Variants in P4HB observed in about 807,000 individuals in gnomAD.
P4HB encodes protein disulfide-isomerase.
P4HB carries 20 observed loss-of-function variants against 52.6 expected under a neutral mutation model. The observed-to-expected ratio is 0.38, with a 90% CI of 0.27 to 0.55. P4HB has a LOEUF of 0.55. Among genes scored for constraint, P4HB ranks in the 20% least tolerant of loss-of-function variants. The pLI is 0.74. For missense variants in P4HB, 601 were observed against 669.2 expected, an observed-to-expected ratio of 0.90 and a Z score of 1.12; for synonymous variants, 296 against 277.9, an observed-to-expected ratio of 1.07 and a Z score of -0.65.
rs112715059 is a variant in P4HB at position 81,855,131 on chromosome 17, G to T, written c.624+11C>A. 1.9e-6 allele frequency: 3 copies of T among 1,613,836 alleles called. No individual in the cohort carries two copies. In the East Asian group the frequency reaches 6.7e-5, roughly 36 times the overall value. On this transcript the variant is annotated intron_variant, in intron 4 of 10. Coordinates refer to ENST00000331483, the MANE Select transcript of P4HB (RefSeq NM_000918.4). This position sits in a 1 kb window ranked among gnomAD's most constrained non-coding sequence, Gnocchi z 4.3. ...GAACTAACCTGGGCAGAGCTGCCTG[G>T]GGCCACTCACCTTCTTAAAGAGGAC...
At chr17:81,844,807 G>A (rs2038707562) in intron 10 of P4HB, among the ~76,000 whole-genome samples, 2 of 152,278 alleles carry the variant, frequency 1.3e-5, no homozygotes, top group South Asian at 4.1e-4. Context: ...CCCGGGCCCC[G>A]CCAGCGGGCT....
At position 81,845,226 on chromosome 17, in the gene P4HB, A is replaced by G. The variant is rs1001777244; in HGVS notation, c.1364T>C (p.Ile455Thr). The G allele has an allele frequency of 6.2e-7, 1 of 1,612,362 alleles. No individual in the cohort carries two copies. Among genetic ancestry groups the G allele is most frequent in the Admixed American group, 1.7e-5 (1 of 59,946 alleles). ...CAGCGTGCGTTCCCCGTTGTAATCA[A>G]TGACCTGTGGAAGACAGGGATGAGT... ...FFPASADRTVIDYNGERTLDG... is the reference protein window; with the variant it reads ...FFPASADRTVTDYNGERTLDG... Residue 455 changes from isoleucine (I) to threonine (T), a missense_variant, in exon 10 of 11, where the codon ATT (isoleucine) becomes ACT (threonine). Transcript: ENST00000331483.
In P4HB at chr17:81,859,380, A is replaced by G; in HGVS notation, c.153T>C (p.Pro51=). ...HKYLLVEFYA[P]WCGHCKALAP... is the part of the protein sequence containing the mutation. ...CCAGAGCCTTGCAGTGGCCACACCAAGGGGCATCTGGAAGCGGAAATGAGA... is the reference window on the plus strand; with the variant it reads ...CCAGAGCCTTGCAGTGGCCACACCAGGGGGCATCTGGAAGCGGAAATGAGA... The change falls in exon 2 of 11, where the codon CCT becomes CCC. Residue 51 remains proline (P), a synonymous_variant. Transcript: ENST00000331483. 1 of 1,612,782 alleles carries G rather than the reference A, an allele frequency of 6.2e-7. No individual in the cohort carries two copies. The highest frequency in any genetic ancestry group is 8.5e-7 in the Non-Finnish European group (1 of 1,179,176).
chr17:81,854,501 C>T (rs1165411198), intron 4 of P4HB, among the ~76,000 whole-genome samples: 1 of 147,328 alleles, frequency 6.8e-6, no homozygotes, highest in Non-Finnish European at 1.5e-5. Context: ...AAGAATGCAC[C>T]ACCGCACTCC....
rs2038896364 is a variant in P4HB, at chr17:81,855,346, T to C, written c.487-67A>G. On this transcript the variant is annotated intron_variant, in intron 3 of 10. Transcript: ENST00000331483. The surrounding 1 kb of genome is among the most constrained non-coding windows in gnomAD (Gnocchi z 4.3). The stretch of plus-strand genomic sequence containing the variant: ...GCACCAAGCAGTAGGGCAGACCCTG[T>C]AGAGCCCAGGCCAGGGGGGACACGT... 3 of 1,607,102 alleles carry C rather than the reference T, an allele frequency of 1.9e-6. No homozygotes were observed. Among genetic ancestry groups the C allele is most frequent in the African/African-American group, 1.3e-5 (1 of 74,888 alleles).
chr17:81,850,974 T>TACGC (rs1166622581), intron 4 of P4HB, among the ~76,000 whole-genome samples: 4 of 151,384 alleles, frequency 2.6e-5, no homozygotes, highest in Non-Finnish European at 5.9e-5. Context: ...CTCTGTCGCC[T>TACGC]ACGCTGGAGT....
At chr17:81,852,253 C>A (rs1356147556) in intron 4 of P4HB, among the ~76,000 whole-genome samples, 1 of 152,192 alleles carries the variant, frequency 6.6e-6, no homozygotes, top group Admixed American at 6.5e-5. Flanking sequence ...GCTCTCACAC[C>A]CATGGTGCCA....
rs960020807 is a variant in P4HB at position 81,846,775 on chromosome 17, T to G, written c.856-146A>C. 67 of 1,195,142 alleles carry G rather than the reference T, an allele frequency of 5.6e-5. No individual in the cohort carries two copies. The highest frequency in any genetic ancestry group is 7.6e-5 in the Non-Finnish European group (63 of 831,518). The allele number at this position is 1,195,142 out of a possible 1,614,324, so 74.0% of individuals were successfully genotyped here. On this transcript the variant is annotated intron_variant, in intron 6 of 10. Coordinates refer to ENST00000331483, the MANE Select transcript of P4HB (RefSeq NM_000918.4). This position sits in a 1 kb window ranked among gnomAD's most constrained non-coding sequence, Gnocchi z 5.7. ...TTGCCCAACCAGACCAGCAGGTGAC[T>G]GGGAGCAGAGGTCTGGCCTGGCTGG...
In P4HB at chr17:81,844,019, T is replaced by TC. The variant is rs1484804638; in HGVS notation, c.1519dup (p.Glu507GlyfsTer34). ...CGGGTCTGGCTTTGCGTATTACAGT[T>TC]CATCTTTCACAGCTTTCTGATCATC... On this transcript the variant is annotated frameshift_variant, in exon 11 of 11. Coordinates refer to ENST00000331483, the MANE Select transcript of P4HB (RefSeq NM_000918.4). LOFTEE classifies it high-confidence loss of function. 6.2e-7 allele frequency: 1 copy of TC among 1,612,802 alleles called. No homozygotes were observed. Among genetic ancestry groups the TC allele is most frequent in the Non-Finnish European group, 8.5e-7 (1 of 1,178,838 alleles).
chr17:81,860,248 G>A (rs961274441), intron 1 of P4HB, 79 bp downstream of exon 1: 4 of 1,196,572 alleles, frequency 3.3e-6, no homozygotes, highest in Non-Finnish European at 4.3e-6. Context: ...GACCCCGGGG[G>A]CTGCCGGGCC....
In P4HB at chr17:81,843,273, C is replaced by A. The variant is rs1408879380; in HGVS notation, c.*739G>T. The A allele has an allele frequency of 7.7e-6, 3 of 389,986 alleles. No homozygotes were observed. The highest frequency in any genetic ancestry group is 3.6e-5 in the East Asian group (1 of 27,514). The allele number at this position is 389,986 out of a possible 1,614,324, so 24.2% of individuals were successfully genotyped here. On this transcript the variant is annotated 3_prime_UTR_variant, in exon 11 of 11. Transcript: ENST00000331483. Reference sequence around the variant, plus strand: ...GCTCCAGCATCCTTGGCCACCTCCCCACCCGGGAGTCAAGGGTCGTGGTTC... The same window carrying A: ...GCTCCAGCATCCTTGGCCACCTCCCAACCCGGGAGTCAAGGGTCGTGGTTC...
At chr17:81,856,799 G>A (rs1016385544) in intron 2 of P4HB, among the ~76,000 whole-genome samples, 3 of 151,948 alleles carry the variant, frequency 2.0e-5, no homozygotes, top group South Asian at 2.1e-4. Context: ...ACAGGCGCCC[G>A]CCACCATGCC....
At chr17:81,850,763 G>A (rs747163418) in intron 4 of P4HB, among the ~76,000 whole-genome samples, 7 of 152,052 alleles carry the variant, frequency 4.6e-5, no homozygotes, top group Non-Finnish European at 7.4e-5. Flanking sequence ...GATTACAGGC[G>A]TGAGCCAGCG....
Position 81,845,672 on chromosome 17 carries a change from G to A in P4HB, c.1248C>T (p.Asp416=). The A allele has an allele frequency of 1.2e-6, 2 of 1,613,964 alleles. No individual in the cohort carries two copies. Among genetic ancestry groups the A allele is most frequent in the African/African-American group, 1.3e-5 (1 of 75,062 alleles). The change falls in exon 9 of 11, where the codon GAC becomes GAT. Residue 416 remains aspartate, a synonymous_variant. Transcript: ENST00000331483. ...TCTTGGCGATGACGATGTTCTCATG[G>A]TCCTTGTACGTCTCTCCCAGTTTAT... ...IWDKLGETYK[D]HENIVIAKMD...
In P4HB at chr17:81,843,608, AGGT is replaced by A. The variant is rs2038686381; in HGVS notation, c.*401_*403del. 1 of 457,314 alleles carries A rather than the reference AGGT, an allele frequency of 2.2e-6. No individual in the cohort carries two copies. Among genetic ancestry groups the A allele is most frequent in the Non-Finnish European group, 3.8e-6 (1 of 260,716 alleles). 28.3% of individuals were successfully genotyped at this position (457,314 alleles called of 1,614,324 possible). ...AAGCTTCTCCGAGGAGGCCTGGCCA[AGGT>A]GGAACAAATACCCTGATGTCGAAAA... On this transcript the variant is annotated 3_prime_UTR_variant, in exon 11 of 11. Transcript: ENST00000331483.
chr17:81,855,799 G>GAGAGGGA lies in P4HB; in HGVS notation c.353-220_353-214dup, dbSNP rs1215223647. The GAGAGGGA allele has an allele frequency of 3.8e-6, 2 of 528,344 alleles. No homozygotes were observed. The highest frequency in any genetic ancestry group is 6.7e-6 in the Non-Finnish European group (2 of 300,670). The allele number at this position is 528,344 out of a possible 1,614,324, so 32.7% of individuals were successfully genotyped here. A position where few individuals can be genotyped will look rare whatever the true frequency, so the allele number is the denominator to read the frequency against. On this transcript the variant is annotated intron_variant, in intron 2 of 10. Transcript: ENST00000331483. This position sits in a 1 kb window ranked among gnomAD's most constrained non-coding sequence, Gnocchi z 4.3. Reference sequence around the variant, plus strand: ...ACTGTGGTTGTGTTTATGGGGAGTGGAGAGGGAAGAGGGTGATTCTGTCTC... The same window carrying GAGAGGGA: ...ACTGTGGTTGTGTTTATGGGGAGTGGAGAGGGAAGAGGGAAGAGGGTGATTCTGTCTC...
chr17:81,847,639 C>G, intron 4 of P4HB: 3 of 468,704 alleles, frequency 6.4e-6, no homozygotes, highest in Admixed American at 3.3e-5. Flanking sequence ...ATCCCCAGGG[C>G]CCCTAGCCTT....
rs1421322918 is a variant in P4HB at position 81,846,741 on chromosome 17, A to T, written c.856-112T>A. ...CCGGTGCCTTTTTCCTCCAACCTGGATTCCGGGGTTGCCCAACCAGACCAG... is the reference window on the plus strand; with the variant it reads ...CCGGTGCCTTTTTCCTCCAACCTGGTTTCCGGGGTTGCCCAACCAGACCAG... On this transcript the variant is annotated intron_variant, in intron 6 of 10. Transcript: ENST00000331483. This position sits in a 1 kb window ranked among gnomAD's most constrained non-coding sequence, Gnocchi z 5.7. 3.1e-6 allele frequency: 4 copies of T among 1,285,670 alleles called. No homozygotes were observed. The highest frequency in any genetic ancestry group is 4.4e-6 in the Non-Finnish European group (4 of 912,566). 79.6% of individuals were successfully genotyped at this position (1,285,670 alleles called of 1,614,324 possible).
intron 4 of P4HB, among the ~76,000 whole-genome samples, chr17:81,853,442 G>C (rs1210480868): frequency 6.6e-6 from 1 of 152,062 alleles, no homozygotes; most frequent in Non-Finnish European, 1.5e-5. Context: ...GTGTGGTGGC[G>C]GGTGCCCTGT....
Sources: allele counts gnomAD v4.1 joint callset (sites outside exome capture counted in the v4.1 genomes callset), GRCh38; gene constraint gnomAD v4.1.1; non-coding constraint Gnocchi (gnomAD v3.1); transcripts MANE v1.5; gene names NCBI Gene and HGNC (gene_info 2026-07-23, HGNC 2026-07-21).